The following FAM53B variants were observed in gnomAD, a reference collection of about 807,000 sequenced individuals.
FAM53B encodes the protein family with sequence similarity 53 member B, also known as protein FAM53B.
In FAM53B, 12 loss-of-function variants were observed where a neutral mutation model predicts 32.7. The ratio of observed to expected loss-of-function variants is 0.37; its 90% CI spans 0.24 to 0.59. The LOEUF (loss-of-function observed/expected upper bound fraction) is 0.59, where lower values mean the gene tolerates loss of function less well. Ranked by LOEUF, FAM53B falls within the 20% of genes least tolerant of loss-of-function variation. The pLI, the probability that FAM53B is intolerant of heterozygous loss-of-function variation, is 0.72. For missense variants in FAM53B, 477 were observed against 577.7 expected, an observed-to-expected ratio of 0.83 and a Z score of 1.79; for synonymous variants, 234 against 228.7, an observed-to-expected ratio of 1.02 and a Z score of -0.21.
chr10:124,631,238 G>A (rs1949389116), intron 4 of FAM53B, among the ~76,000 whole-genome samples: 1 of 152,206 alleles, frequency 6.6e-6, no homozygotes, highest in Non-Finnish European at 1.5e-5. Context: ...CTTGCCTACG[G>A]TAACTCGAGG....
chr10:124,714,525 C>T (rs1454319646), intron 1 of FAM53B, among the ~76,000 whole-genome samples: 2 of 152,150 alleles, frequency 1.3e-5, no homozygotes, highest in Non-Finnish European at 2.9e-5. Flanking sequence ...CTTTGGGAGG[C>T]TGAGGCAGGC....
intron 3 of FAM53B, among the ~76,000 whole-genome samples, chr10:124,691,573 T>C (rs1245567050): frequency 6.6e-6 from 1 of 152,244 alleles, no homozygotes; most frequent in Non-Finnish European, 1.5e-5. Flanking sequence ...ATAATTGGTA[T>C]TGCCTTCGCT....
intron 2 of FAM53B, among the ~76,000 whole-genome samples, chr10:124,701,192 T>C (rs1949912999): frequency 6.6e-6 from 1 of 152,204 alleles, no homozygotes; most frequent in African/African-American, 2.4e-5. Flanking sequence ...GCTGGGGCTG[T>C]TGAGCTCAAA....
intron 4 of FAM53B, among the ~76,000 whole-genome samples, chr10:124,655,122 G>T (rs974177686): frequency 1.1e-4 from 16 of 152,162 alleles, no homozygotes; most frequent in African/African-American, 3.9e-4. Context: ...CAGCTTAGGG[G>T]CCCATTCATA....
At chr10:124,660,345 G>A (rs1207149176) in intron 4 of FAM53B, among the ~76,000 whole-genome samples, 2 of 152,200 alleles carry the variant, frequency 1.3e-5, no homozygotes, top group African/African-American at 4.8e-5. Flanking sequence ...ATCTCACTGG[G>A]ACCAGACAAG....
intron 4 of FAM53B, among the ~76,000 whole-genome samples, chr10:124,668,849 T>C (rs552840977): frequency 6.6e-6 from 1 of 152,374 alleles, no homozygotes; most frequent in African/African-American, 2.4e-5. Flanking sequence ...GTTTCAAGTA[T>C]GGGCACTGAT....
chr10:124,741,566 G>T (rs911626523), intron 1 of FAM53B, among the ~76,000 whole-genome samples: 2 of 152,194 alleles, frequency 1.3e-5, no homozygotes, highest in Non-Finnish European at 2.9e-5. Context: ...TCAATCAAGG[G>T]TCAGGCGCCT....
At chr10:124,681,521 G>A (rs1949771517) in intron 4 of FAM53B, 86 bp downstream of exon 4, 2 of 1,202,946 alleles carry the variant, frequency 1.7e-6, no homozygotes, top group Admixed American at 5.8e-5. Flanking sequence ...TTCTGAAACT[G>A]GCAATCTATG....
chr10:124,701,694 G>A lies in FAM53B; in HGVS notation c.78+4942C>T, dbSNP rs543661751. On this transcript the variant is annotated intron_variant, in intron 2 of 4. Transcript: ENST00000337318. ...GCCCACTCAGCAGAGGAAGGCACTG[G>A]CCAGAGTGGGGGAAAGGGGAACTGG... Among the ~76,000 whole-genome samples, 5 of 152,334 alleles carry A rather than the reference G, an allele frequency of 3.3e-5. No homozygotes were observed. The East Asian group carries it at 9.7e-4, about 29-fold the overall frequency.
rs148677670 is a variant in FAM53B, at chr10:124,623,312, C to T, written c.1199G>A (p.Arg400His). The change falls in exon 5 of 5, where the codon CGC becomes CAC. Residue 400 changes from arginine to histidine, a missense_variant. This residue lies in a region of FAM53B where 165 missense variants were observed against 157.5 expected (regional missense o/e 1.05). Coordinates refer to ENST00000337318, the MANE Select transcript of FAM53B (RefSeq NM_014661.4). Reference sequence around the variant, plus strand: ...GCAGAGGCTGTTCCCAGGGGCCCCGCGGTCCCGCCAGGCTGCAGCCGGCTC... The same window carrying T: ...GCAGAGGCTGTTCCCAGGGGCCCCGTGGTCCCGCCAGGCTGCAGCCGGCTC... ...RAEPAAAWRD[R>H]GAPGNSLCSL... 1.4e-5 allele frequency: 22 copies of T among 1,612,270 alleles called. No individual in the cohort carries two copies. The highest frequency in any genetic ancestry group is 2.7e-5 in the African/African-American group (2 of 74,940).
chr10:124,683,657 G>T (rs1418294886), intron 3 of FAM53B, among the ~76,000 whole-genome samples: 1 of 152,138 alleles, frequency 6.6e-6, no homozygotes, highest in African/African-American at 2.4e-5. Context: ...CACCAGACAG[G>T]ATGTAAACCC....
intron 4 of FAM53B, among the ~76,000 whole-genome samples, chr10:124,654,415 T>C (rs1252679357): frequency 6.6e-6 from 1 of 152,182 alleles, no homozygotes; most frequent in Non-Finnish European, 1.5e-5. Context: ...GTGGCCATGC[T>C]GGCAAGGATG....
At chr10:124,701,716 C>G (rs529579740) in intron 2 of FAM53B, among the ~76,000 whole-genome samples, 3 of 152,344 alleles carry the variant, frequency 2.0e-5, no homozygotes, top group South Asian at 2.1e-4. Flanking sequence ...GAAAGGGGAA[C>G]TGGACCCAGC....
chr10:124,709,067 A>G (rs866442606), intron 1 of FAM53B, among the ~76,000 whole-genome samples: 1 of 152,272 alleles, frequency 6.6e-6, no homozygotes, highest in African/African-American at 2.4e-5. Context: ...AGAGTGCTCA[A>G]TCAGCAGCAG....
At chr10:124,677,960 A>G (rs1258267471) in intron 4 of FAM53B, among the ~76,000 whole-genome samples, 2 of 152,234 alleles carry the variant, frequency 1.3e-5, no homozygotes, top group Non-Finnish European at 2.9e-5. Flanking sequence ...CTGAACACCG[A>G]GTTGACTACA....
intron 1 of FAM53B, among the ~76,000 whole-genome samples, chr10:124,728,365 C>T (rs1025689039): frequency 1.3e-5 from 2 of 152,232 alleles, no homozygotes; most frequent in African/African-American, 2.4e-5. Flanking sequence ...TGGAGGAAAC[C>T]GTGGCATTAT....
intron 3 of FAM53B, 75 bp downstream of exon 3, chr10:124,696,083 T>G: frequency 8.5e-7 from 1 of 1,173,408 alleles, no homozygotes; most frequent in Non-Finnish European, 1.3e-6. Flanking sequence ...GTGCTTTGAG[T>G]GTCTCACCTG....
intron 1 of FAM53B, among the ~76,000 whole-genome samples, chr10:124,707,543 GC>G (rs1949969100): frequency 6.6e-6 from 1 of 152,208 alleles, no homozygotes; most frequent in South Asian, 2.1e-4. Context: ...TTCGAGACCA[GC>G]CCGGTCAACA....
At chr10:124,717,259 T>C (rs758092060) in intron 1 of FAM53B, among the ~76,000 whole-genome samples, 1 of 152,212 alleles carries the variant, frequency 6.6e-6, no homozygotes, top group Non-Finnish European at 1.5e-5. Flanking sequence ...AGTGAGACTC[T>C]AACTGTAGTC....
Sources: gnomAD v4.1 joint callset for allele counts (sites outside exome capture counted in the v4.1 genomes callset) on GRCh38, gnomAD v4.1.1 for gene constraint, gnomAD v4.1.1 regional missense constraint, MANE v1.5 for transcripts, NCBI Gene and HGNC (gene_info 2026-07-23, HGNC 2026-07-21) for gene names.